PRKAR1A: variants seen among roughly 807,000 people sequenced by gnomAD.
The protein encoded by PRKAR1A is protein kinase cAMP-dependent type I regulatory subunit alpha.
In PRKAR1A, 3 loss-of-function variants were observed where a neutral mutation model predicts 52.0. The ratio of observed to expected loss-of-function variants is 0.06; its 90% CI spans 0.03 to 0.15. The LOEUF is 0.15. Among genes scored for constraint, PRKAR1A ranks in the 10% least tolerant of loss-of-function variants. The pLI is 1.00. For missense variants in PRKAR1A, 240 were observed against 477.4 expected (o/e 0.50, Z 4.63); for synonymous variants, 188 against 168.4 (o/e 1.12, Z -0.90).
At chr17:68,470,373 C>A in the PRKAR1A span, among the ~76,000 whole-genome samples, 4 of 152,196 alleles carry the variant, frequency 2.6e-5, no homozygotes, top group African/African-American at 9.7e-5. Context: ...AGCCACCGTG[C>A]CCGGCCCATC....
chr17:68,483,992 G>A, the PRKAR1A span, among the ~76,000 whole-genome samples: 54 of 152,146 alleles, frequency 3.5e-4, 2 homozygotes, highest in East Asian at 9.8e-3. Context: ...TTATTACTGG[G>A]GCTTTATAAT....
chr17:68,491,089 T>TCTTC, the PRKAR1A span, among the ~76,000 whole-genome samples: 1 of 133,084 alleles, frequency 7.5e-6, no homozygotes. Context: ...ATTATTTCTT[T>TCTTC]CTTTCTTTTT....
At chr17:68,421,267 A>G in the PRKAR1A span, 20 of 157,560 alleles carry the variant, frequency 1.3e-4, no homozygotes, top group South Asian at 1.5e-3. Context: ...AAAAATATAT[A>G]AAAACCTCAA....
the PRKAR1A span, among the ~76,000 whole-genome samples, chr17:68,426,625 C>T: frequency 6.6e-6 from 1 of 152,160 alleles, no homozygotes; most frequent in African/African-American, 2.4e-5. Flanking sequence ...CTCCGCCTCT[C>T]TGGTTCAAGC....
At chr17:68,487,530 C>T in the PRKAR1A span, among the ~76,000 whole-genome samples, 9 of 152,180 alleles carry the variant, frequency 5.9e-5, no homozygotes, top group Admixed American at 3.3e-4. Context: ...GGGTCGGGCG[C>T]GGTGGTTCAC....
the PRKAR1A span, among the ~76,000 whole-genome samples, chr17:68,492,508 C>T: frequency 3.3e-5 from 5 of 151,964 alleles, no homozygotes; most frequent in South Asian, 2.1e-4. Flanking sequence ...AGCAGGAGAG[C>T]GAAAGGGAGA....
chr17:68,520,571 C>T (rs940087517), intron 2 of PRKAR1A, among the ~76,000 whole-genome samples: 1 of 152,106 alleles, frequency 6.6e-6, no homozygotes, highest in Non-Finnish European at 1.5e-5. Flanking sequence ...TTCATCACCT[C>T]ACTTAAAGAG....
the PRKAR1A span, among the ~76,000 whole-genome samples, chr17:68,490,689 C>G: frequency 6.6e-6 from 1 of 152,024 alleles, no homozygotes; most frequent in African/African-American, 2.4e-5. Flanking sequence ...GATTACCCAT[C>G]TGTGAAGAGA....
the PRKAR1A span, among the ~76,000 whole-genome samples, chr17:68,426,452 C>T: frequency 4.6e-5 from 7 of 152,258 alleles, 1 homozygote; most frequent in East Asian, 3.9e-4. Flanking sequence ...AGGCTGGTCT[C>T]GAACTCCTGA....
At chr17:68,500,604 C>T in the PRKAR1A span, among the ~76,000 whole-genome samples, 6 of 151,844 alleles carry the variant, frequency 4.0e-5, no homozygotes, top group Non-Finnish European at 7.4e-5. Context: ...ACGTACACCA[C>T]CTGGGTTCAA....
intron 11 of PRKAR1A, chr17:68,540,886 G>A: frequency 6.2e-6 from 10 of 1,605,374 alleles, no homozygotes; most frequent in Non-Finnish European, 8.5e-6. Flanking sequence ...CGATGACATT[G>A]AGGAGCCGCT....
chr17:68,482,766 A>G, the PRKAR1A span, among the ~76,000 whole-genome samples: 1 of 152,230 alleles, frequency 6.6e-6, no homozygotes, highest in East Asian at 1.9e-4. Flanking sequence ...ATCGGTGGAC[A>G]AAGGAAGGGC....
chr17:68,432,519 C>T, the PRKAR1A span, among the ~76,000 whole-genome samples: 33 of 152,164 alleles, frequency 2.2e-4, 1 homozygote, highest in African/African-American at 7.0e-4. Context: ...GAGGTTGAGG[C>T]GGGTGGATCA....
chr17:68,420,139 C>T, the PRKAR1A span: 4 of 1,597,240 alleles, frequency 2.5e-6, no homozygotes, highest in South Asian at 1.1e-5. Flanking sequence ...CTTTACAACA[C>T]AGGGCAACTG....
the PRKAR1A span, chr17:68,450,950 A>T: frequency 1.3e-6 from 2 of 1,568,786 alleles, no homozygotes; most frequent in Non-Finnish European, 8.6e-7. Flanking sequence ...TCCAAGAAGG[A>T]TTCCAGCCTC....
chr17:68,500,308 A>G, the PRKAR1A span, among the ~76,000 whole-genome samples: 1 of 152,108 alleles, frequency 6.6e-6, no homozygotes, highest in Non-Finnish European at 1.5e-5. Context: ...CCCCCATACT[A>G]TTCTTGAGGT....
At chr17:68,414,385 G>C in the PRKAR1A span, among the ~76,000 whole-genome samples, 1 of 152,156 alleles carries the variant, frequency 6.6e-6, no homozygotes, top group Admixed American at 6.5e-5. Context: ...AAACCCCCTT[G>C]ATTATGGTGA....
intron 11 of PRKAR1A, chr17:68,541,846 C>G: frequency 3.8e-6 from 4 of 1,059,322 alleles, no homozygotes; most frequent in Non-Finnish European, 5.5e-6. Flanking sequence ...GCCTGCTGAT[C>G]CCAGGATCAA....
the PRKAR1A span, among the ~76,000 whole-genome samples, chr17:68,477,424 C>T: frequency 1.3e-5 from 2 of 152,200 alleles, no homozygotes; most frequent in Non-Finnish European, 2.9e-5. Flanking sequence ...ATCTTAATGT[C>T]ATAGTCTGGA....
Sources: gnomAD v4.1 joint callset for allele counts (sites outside exome capture counted in the v4.1 genomes callset) on GRCh38, gnomAD v4.1.1 for gene constraint, MANE v1.5 for transcripts, NCBI Gene and HGNC (gene_info 2026-07-23, HGNC 2026-07-21) for gene names.